Variants in RNASE10 observed in about 807,000 individuals in gnomAD.
RNASE10 encodes the protein inactive ribonuclease-like protein 10.
A neutral mutation model predicts 1.1 loss-of-function variants in RNASE10; 2 were observed. The ratio of observed to expected loss-of-function variants is 1.82; its 90% CI spans 0.74 to 5.73. RNASE10 has a LOEUF of 5.73. RNASE10 is among the 30% of genes most tolerant of loss of function. The pLI is 0.05. For missense variants in RNASE10, 276 were observed against 263.4 expected, an observed-to-expected ratio of 1.05 and a Z score of -0.33; for synonymous variants, 97 against 96.2, an observed-to-expected ratio of 1.01 and a Z score of -0.05.
downstream of RNASE10, chr14:20,511,213 A>G (rs906150325): frequency 9.5e-7 from 1 of 1,057,688 alleles, no homozygotes; most frequent in Non-Finnish European, 1.3e-6. Flanking sequence ...GATCTTAGGT[A>G]TCATGCAGAT....
chr14:20,506,924 CG>C (rs1366763081), intron 1 of RNASE10, among the ~76,000 whole-genome samples: 1 of 136,092 alleles, frequency 7.3e-6, no homozygotes. Flanking sequence ...CCAGCCGCCC[CG>C]TCCGGGAGGG....
chr14:20,509,599 TC>T (rs1223631383), intron 1 of RNASE10, among the ~76,000 whole-genome samples: 1 of 152,228 alleles, frequency 6.6e-6, no homozygotes, highest in Non-Finnish European at 1.5e-5. Flanking sequence ...TGGTACTTTT[TC>T]TATTCCTTTT....
downstream of RNASE10, among the ~76,000 whole-genome samples, chr14:20,513,198 T>TTTTTG (rs1426424705): frequency 1.3e-4 from 19 of 151,290 alleles, no homozygotes; most frequent in Non-Finnish European, 2.2e-4. Flanking sequence ...GTGGGTCATG[T>TTTTTG]TTTTCTTTTG....
chr14:20,504,788 G>T (rs942247137), upstream of RNASE10, among the ~76,000 whole-genome samples: 5 of 149,654 alleles, frequency 3.3e-5, no homozygotes, highest in Non-Finnish European at 7.4e-5. Flanking sequence ...ACCATTTACA[G>T]GGAAAGTAAT....
At chr14:20,506,990 G>A (rs1006529664) in intron 1 of RNASE10, among the ~76,000 whole-genome samples, 1 of 106,060 alleles carries the variant, frequency 9.4e-6, no homozygotes, top group African/African-American at 3.9e-5. Context: ...GAGGGAGGTG[G>A]TGGGGGTCAG....
intron 1 of RNASE10, among the ~76,000 whole-genome samples, chr14:20,506,292 GC>G (rs1882713058): frequency 9.0e-6 from 1 of 111,254 alleles, no homozygotes; most frequent in East Asian, 2.5e-4. Flanking sequence ...CCGGCCAGCC[GC>G]CCCGTCCGGG....
upstream of RNASE10, among the ~76,000 whole-genome samples, chr14:20,505,260 T>TTCTCCCTCTCCC (rs1882662600): frequency 6.6e-5 from 5 of 75,638 alleles, no homozygotes; most frequent in Non-Finnish European, 7.4e-5. Context: ...AAAGTGAGTT[T>TTCTCCCTCTCCC]GCTCCCTCTC....
At chr14:20,511,163 C>T, downstream of RNASE10, 2 of 1,374,360 alleles carry the variant, frequency 1.5e-6, no homozygotes, top group Non-Finnish European at 9.6e-7. Flanking sequence ...TCTCCTGTTC[C>T]TCTTCCTTTT....
At chr14:20,504,345 T>G (rs981712427), upstream of RNASE10, among the ~76,000 whole-genome samples, 1 of 152,194 alleles carries the variant, frequency 6.6e-6, no homozygotes, top group Non-Finnish European at 1.5e-5. Context: ...TGCTTATGCA[T>G]GTACGTAAGT....
chr14:20,506,544 C>T (rs1213944477), intron 1 of RNASE10, among the ~76,000 whole-genome samples: 14 of 111,240 alleles, frequency 1.3e-4, no homozygotes, highest in African/African-American at 1.5e-4. Flanking sequence ...TGAGGGGCGC[C>T]TCTGCCCGGC....
chr14:20,508,258 A>T (rs879931138), intron 1 of RNASE10, among the ~76,000 whole-genome samples: 4 of 152,226 alleles, frequency 2.6e-5, no homozygotes, highest in African/African-American at 7.2e-5. Context: ...TCAAATACAT[A>T]TATACAGTGA....
intron 1 of RNASE10, among the ~76,000 whole-genome samples, chr14:20,506,701 CCGGGAGGGAGG>C (rs1882735096): frequency 7.8e-6 from 1 of 127,592 alleles, no homozygotes; most frequent in African/African-American, 3.1e-5. Context: ...GCCGCCCCGT[CCGGGAGGGAGG>C]TGGGGGGGTC....
At chr14:20,506,985 A>T (rs1395817563) in intron 1 of RNASE10, among the ~76,000 whole-genome samples, 4 of 99,586 alleles carry the variant, frequency 4.0e-5, no homozygotes, top group African/African-American at 9.1e-5. Flanking sequence ...TCCGGGAGGG[A>T]GGTGGTGGGG....
exon 2 of RNASE10, chr14:20,511,000 T>C: frequency 6.3e-7 from 1 of 1,598,654 alleles, no homozygotes; most frequent in South Asian, 1.1e-5. Flanking sequence ...TGATTTGACA[T>C]TGTGCGAGCT....
chr14:20,512,114 A>C (rs1882912828), downstream of RNASE10, among the ~76,000 whole-genome samples: 1 of 152,230 alleles, frequency 6.6e-6, no homozygotes, highest in Non-Finnish European at 1.5e-5. Context: ...CCAGAAGCAG[A>C]ATAGTGCTCA....
At chr14:20,511,108 C>T in exon 2 of RNASE10, 1 of 1,492,408 alleles carries the variant, frequency 6.7e-7, no homozygotes, top group African/African-American at 1.4e-5. Flanking sequence ...GCGCCAGTTA[C>T]CAACTGGACA....
downstream of RNASE10, among the ~76,000 whole-genome samples, chr14:20,511,324 G>C (rs1165988504): frequency 1.3e-5 from 2 of 152,138 alleles, no homozygotes; most frequent in African/African-American, 4.8e-5. Flanking sequence ...TAAGCTCTCT[G>C]CCTCTCCTTT....
upstream of RNASE10, among the ~76,000 whole-genome samples, chr14:20,504,376 C>G (rs990158713): frequency 6.6e-6 from 1 of 152,056 alleles, no homozygotes; most frequent in Admixed American, 6.6e-5. Flanking sequence ...TTGGGTGCCT[C>G]AAGGAACAAC....
chr14:20,506,502 C>A (rs1234503394), intron 1 of RNASE10, among the ~76,000 whole-genome samples: 1 of 131,274 alleles, frequency 7.6e-6, no homozygotes, highest in Non-Finnish European at 1.7e-5. Context: ...GGGGGTCAGC[C>A]CCCCGCCCGG....
Sources: gnomAD v4.1 joint callset for allele counts (sites outside exome capture counted in the v4.1 genomes callset) on GRCh38, gnomAD v4.1.1 for gene constraint, MANE v1.5 for transcripts, NCBI Gene and HGNC (gene_info 2026-07-23, HGNC 2026-07-21) for gene names.